BIK: variants seen among roughly 807,000 people sequenced by gnomAD.
The protein encoded by BIK is bcl-2-interacting killer.
In BIK, 14 loss-of-function variants were observed where a neutral mutation model predicts 12.1. That is an observed-to-expected ratio of 1.16 (90% CI 0.77 to 1.81). The LOEUF is 1.81. Among genes scored for constraint, BIK ranks in the 40% most tolerant of loss-of-function variants. The probability of loss-of-function intolerance (pLI) is 0.00; values close to 1 mark genes in which losing one functional copy is unlikely to be tolerated. For synonymous variants in BIK, 86 were observed against 92.3 expected (o/e 0.93, Z 0.39); for missense variants, 215 against 207.9 (o/e 1.03, Z -0.21).
At chr22:43,114,688 G>A (rs1930076337) in intron 1 of BIK, among the ~76,000 whole-genome samples, 1 of 152,220 alleles carries the variant, frequency 6.6e-6, no homozygotes, top group South Asian at 2.1e-4. Context: ...CTGATTCCAG[G>A]AGGAGCTGAA....
rs763526931 is a variant in BIK at position 43,128,544 on chromosome 22, T to TC, written c.310dup (p.Leu104ProfsTer2). On this transcript the variant is annotated frameshift_variant, in exon 4 of 5. Coordinates refer to ENST00000216115, the MANE Select transcript of BIK (RefSeq NM_001197.5). LOFTEE classifies it high-confidence loss of function. Reference sequence around the variant, plus strand: ...ACCAGACTGAGGACATCAGGGATGTTCTTAGAAGTTTCATGGACGGTTTCA... The same window carrying TC: ...ACCAGACTGAGGACATCAGGGATGTTCCTTAGAAGTTTCATGGACGGTTTCA... 1.2e-6 allele frequency: 2 copies of TC among 1,613,826 alleles called. No individual in the cohort carries two copies. The highest frequency in any genetic ancestry group is 3.3e-5 in the Admixed American group (2 of 60,022).
chr22:43,128,772 G>A, intron 4 of BIK, 147 bp downstream of exon 4: 2 of 1,243,766 alleles, frequency 1.6e-6, no homozygotes, highest in Non-Finnish European at 2.2e-6. Flanking sequence ...ATGGGCTTTT[G>A]GGTTTGAGAT....
chr22:43,113,473 A>G (rs1221324112), intron 1 of BIK, among the ~76,000 whole-genome samples: 2 of 151,648 alleles, frequency 1.3e-5, no homozygotes, highest in Non-Finnish European at 1.5e-5. Flanking sequence ...AATTGCTTGA[A>G]CCCAGGAGGC....
intron 1 of BIK, 121 bp downstream of exon 1, chr22:43,110,924 T>A (rs1929997430): frequency 1.3e-5 from 2 of 151,964 alleles, no homozygotes; most frequent in East Asian, 3.9e-4. Flanking sequence ...GCCCAGGTTT[T>A]ACCGCTCCAG....
Position 43,129,238 on chromosome 22 carries a change from CGCTGCTGCTGCTGCTGGCGCT to C in BIK, c.425_445del (p.Leu142_Leu148del), listed in dbSNP as rs770689042. 163 of 1,585,928 alleles carry C rather than the reference CGCTGCTGCTGCTGCTGGCGCT, an allele frequency of 1.0e-4. 1 individual carries two copies. The highest frequency in any genetic ancestry group is 6.2e-4 in the South Asian group (55 of 88,540). On this transcript the variant is annotated inframe_deletion, in exon 5 of 5. Transcript: ENST00000216115. ...GTGTCCTGCGAACAGGTGCTGCTGG[CGCTGCTGCTGCTGCTGGCGCT>C]GCTGCTGCCGCTGCTCAGCGGGGGC... is the stretch of plus-strand genomic sequence containing the variant.
rs867355694 is a variant in BIK, at chr22:43,129,255, G to C, written c.433G>C (p.Ala145Pro). The C allele has an allele frequency of 1.4e-5, 22 of 1,593,230 alleles. No individual in the cohort carries two copies. The highest frequency in any genetic ancestry group is 3.4e-4 in the Middle Eastern group (2 of 5,802). ...QVLLALLLLL[A>P]LLLPLLSGGL... ...GCTGCTGGCGCTGCTGCTGCTGCTG[G>C]CGCTGCTGCTGCCGCTGCTCAGCGG... The change falls in exon 5 of 5, where the codon GCG becomes CCG. Residue 145 changes from alanine to proline, a missense_variant. Ala to Pro is a conservative substitution (Grantham distance 27). Transcript: ENST00000216115.
In BIK at chr22:43,112,012, C is replaced by T. The variant is rs4988380; in HGVS notation, c.-8+1209C>T. Among the ~76,000 whole-genome samples, 35 of 152,170 alleles carry T rather than the reference C, an allele frequency of 2.3e-4. 1 individual carries two copies. The highest frequency in any genetic ancestry group is 8.4e-4 in the African/African-American group (35 of 41,440). The stretch of plus-strand genomic sequence containing the variant: ...GCCCTGTGGCCTCGGAAGGGCCACT[C>T]CATCTCTCTGAACCTCAGTTTGTTC... On this transcript the variant is annotated intron_variant, in intron 1 of 4. Coordinates refer to ENST00000216115, the MANE Select transcript of BIK (RefSeq NM_001197.5).
At chr22:43,117,229 C>G (rs538247775) in intron 1 of BIK, among the ~76,000 whole-genome samples, 2 of 152,156 alleles carry the variant, frequency 1.3e-5, no homozygotes, top group Non-Finnish European at 2.9e-5. Flanking sequence ...AATCAGAACA[C>G]GCTGAGCACA....
intron 1 of BIK, among the ~76,000 whole-genome samples, chr22:43,114,744 C>G (rs1000312350): frequency 6.6e-6 from 1 of 152,322 alleles, no homozygotes; most frequent in South Asian, 2.1e-4. Context: ...AATCCGAGCT[C>G]GGACCGTGAG....
chr22:43,120,238 A>G (rs1239493693), intron 1 of BIK, among the ~76,000 whole-genome samples: 3 of 152,164 alleles, frequency 2.0e-5, no homozygotes, highest in Admixed American at 2.0e-4. Context: ...CCCAGGTTGG[A>G]GTGCAATGGC....
At chr22:43,117,186 C>T (rs866713772) in intron 1 of BIK, among the ~76,000 whole-genome samples, 1 of 152,148 alleles carries the variant, frequency 6.6e-6, no homozygotes, top group African/African-American at 2.4e-5. Context: ...GGAGGTCTCC[C>T]AGGCCCAGCC....
intron 1 of BIK, among the ~76,000 whole-genome samples, chr22:43,121,439 G>C (rs1281629753): frequency 6.6e-6 from 1 of 152,164 alleles, no homozygotes; most frequent in Non-Finnish European, 1.5e-5. Context: ...TGGTGGCTGG[G>C]GCCTTCTTCC....
chr22:43,126,065 C>T (rs1049740846), intron 2 of BIK, among the ~76,000 whole-genome samples: 2 of 151,310 alleles, frequency 1.3e-5, no homozygotes, highest in African/African-American at 4.9e-5. Context: ...GTCTCTGTCA[C>T]CCAGGCTGGA....
chr22:43,113,005 G>C (rs1339423318), intron 1 of BIK, among the ~76,000 whole-genome samples: 1 of 152,142 alleles, frequency 6.6e-6, no homozygotes, highest in Non-Finnish European at 1.5e-5. Context: ...GGAGTTGTGA[G>C]ACGAGCCTGG....
intron 3 of BIK, among the ~76,000 whole-genome samples, chr22:43,128,229 C>T (rs1282102402): frequency 6.6e-6 from 1 of 152,126 alleles, no homozygotes; most frequent in East Asian, 1.9e-4. Flanking sequence ...ACGTGGCCAG[C>T]TCTGGAAGAC....
At position 43,129,415 on chromosome 22, in the gene BIK, A is replaced by G; in HGVS notation, c.*110A>G. 2.8e-6 allele frequency: 4 copies of G among 1,428,828 alleles called. No homozygotes were observed. The highest frequency in any genetic ancestry group is 3.7e-6 in the Non-Finnish European group (4 of 1,087,576). 88.5% of individuals were successfully genotyped at this position (1,428,828 alleles called of 1,614,324 possible). On this transcript the variant is annotated 3_prime_UTR_variant, in exon 5 of 5. Coordinates refer to ENST00000216115, the MANE Select transcript of BIK (RefSeq NM_001197.5). ...CTGTTTTCTCATGATGCCTTTTTAT[A>G]TTTAAACCCCGAGATAGTGCTGGAA... is the stretch of plus-strand genomic sequence containing the variant.
At chr22:43,127,820 C>T (rs1488158885) in intron 3 of BIK, 25 bp downstream of exon 3, 14 of 1,537,064 alleles carry the variant, frequency 9.1e-6, no homozygotes, top group Non-Finnish European at 1.2e-5. Flanking sequence ...CCCTATGCCT[C>T]TACACCTGGG....
At chr22:43,129,075 CTCCT>C in intron 4 of BIK, 134 bp from the exon 5 acceptor site, 2 of 1,472,018 alleles carry the variant, frequency 1.4e-6, no homozygotes, top group East Asian at 2.3e-5. Flanking sequence ...CTCTCCTGAA[CTCCT>C]TCCTTCTCTG....
intron 1 of BIK, among the ~76,000 whole-genome samples, chr22:43,111,571 C>T (rs1283105359): frequency 6.6e-6 from 1 of 152,154 alleles, no homozygotes; most frequent in East Asian, 1.9e-4. Flanking sequence ...CGGAGCTGGT[C>T]GTCGTCTGGG....
Sources: allele counts gnomAD v4.1 joint callset (sites outside exome capture counted in the v4.1 genomes callset), GRCh38; gene constraint gnomAD v4.1.1; transcripts MANE v1.5; gene names NCBI Gene and HGNC (gene_info 2026-07-23, HGNC 2026-07-21).